CNTN4: variants seen among roughly 807,000 people sequenced by gnomAD.
CNTN4 encodes contactin-4.
Under a neutral mutation model 122.5 loss-of-function variants are expected in CNTN4, and 77 were observed. The ratio of observed to expected loss-of-function variants is 0.63; its 90% confidence interval spans 0.52 to 0.76. The LOEUF (loss-of-function observed/expected upper bound fraction) is 0.76, where lower values mean the gene tolerates loss of function less well. Ranked by LOEUF, CNTN4 falls within the 30% of genes least tolerant of loss-of-function variation. The probability of loss-of-function intolerance (pLI) is 0.00; values close to 1 mark genes in which losing one functional copy is unlikely to be tolerated. For synonymous variants in CNTN4, 512 were observed against 447.0 expected, an observed-to-expected ratio of 1.15 and a Z score of -1.83; for missense variants, 1,256 against 1,259.1, an observed-to-expected ratio of 1.00 and a Z score of 0.04.
At chr3:2,988,541 A>T in intron 14 of CNTN4, 69 bp downstream of exon 14, 1 of 1,511,408 alleles carries the variant, frequency 6.6e-7, no homozygotes, top group Non-Finnish European at 9.2e-7. Context: ...TAATCTACCG[A>T]AGTGGCATCA....
In CNTN4 at chr3:2,201,052, A is replaced by G. The variant is rs142704278; in HGVS notation, c.-145+100413A>G. Among the ~76,000 whole-genome samples, 4 of 152,306 alleles carry G rather than the reference A, an allele frequency of 2.6e-5. No homozygotes were observed. The East Asian group carries it at 7.7e-4, about 29-fold the overall frequency. On this transcript the variant is annotated intron_variant, in intron 2 of 24. Transcript: ENST00000418658. ...CACCTTTTTTCCCTGAGAAATGCCA[A>G]GGGAACTAATTAAAGAAGCTGAAGG...
At chr3:2,750,701 T>C (rs2090047576) in intron 6 of CNTN4, among the ~76,000 whole-genome samples, 1 of 152,334 alleles carries the variant, frequency 6.6e-6, no homozygotes, top group Non-Finnish European at 1.5e-5. Context: ...ATACCCTTTC[T>C]ACCTTTTAGC....
intron 4 of CNTN4, among the ~76,000 whole-genome samples, chr3:2,730,828 G>T (rs1383134582): frequency 2.0e-5 from 3 of 151,912 alleles, no homozygotes; most frequent in Non-Finnish European, 4.4e-5. Context: ...AGATTCTCTT[G>T]CCCAGCCTCG....
chr3:2,643,142 T>C (rs1248555807), intron 4 of CNTN4, among the ~76,000 whole-genome samples: 1 of 152,180 alleles, frequency 6.6e-6, no homozygotes, highest in Non-Finnish European at 1.5e-5. Flanking sequence ...TCAAGTGATC[T>C]CATAGTGATT....
At position 3,031,223 on chromosome 3, in the gene CNTN4, T is replaced by C. The variant is rs922557481; in HGVS notation, c.1783+248T>C. Among the ~76,000 whole-genome samples, 7 of 152,228 alleles carry C rather than the reference T, an allele frequency of 4.6e-5. No homozygotes were observed. In the South Asian group the frequency reaches 1.2e-3, roughly 27 times the overall value. ...TAGAAGGATAATTGAGTAAATCGAG[T>C]ACCCGATTACGGCTGTTGGAGTTGA... On this transcript the variant is annotated intron_variant, in intron 16 of 24. Coordinates refer to ENST00000418658, the MANE Select transcript of CNTN4 (RefSeq NM_175607.3).
chr3:2,193,673 A>T (rs910968584), intron 2 of CNTN4, among the ~76,000 whole-genome samples: 1 of 152,216 alleles, frequency 6.6e-6, no homozygotes, highest in Non-Finnish European at 1.5e-5. Context: ...TCTGTCAGTA[A>T]TGCATCACAT....
At chr3:2,101,776 A>C (rs1026786528) in intron 2 of CNTN4, among the ~76,000 whole-genome samples, 1 of 152,238 alleles carries the variant, frequency 6.6e-6, no homozygotes, top group Non-Finnish European at 1.5e-5. Context: ...AACAAAAAAG[A>C]TGAATAAAGC....
At position 3,056,130 on chromosome 3, in the gene CNTN4, G is replaced by A. The variant is rs771733991; in HGVS notation, c.2991G>A (p.Ala997=). 92 of 1,613,798 alleles carry A rather than the reference G, an allele frequency of 5.7e-5. No individual in the cohort carries two copies. Among genetic ancestry groups the A allele is most frequent in the East Asian group, 3.3e-4 (15 of 44,890 alleles). ...GTTCTCTCTTTTCAGATGCCTACGC[G>A]AGAGGATCTGGGGCTTCCACTTCGA... ...IRIPKISNAY[A]RGSGASTSNA... The change falls in exon 25 of 25, where the codon GCG becomes GCA. Residue 997 remains alanine (A), a synonymous_variant. Transcript: ENST00000418658.
intron 13 of CNTN4, among the ~76,000 whole-genome samples, chr3:2,944,901 C>G (rs2094658634): frequency 6.6e-6 from 1 of 152,154 alleles, no homozygotes; most frequent in East Asian, 1.9e-4. Flanking sequence ...GGGATTTCAG[C>G]TAGTCCCACT....
intron 2 of CNTN4, among the ~76,000 whole-genome samples, chr3:2,135,391 C>G (rs1041068787): frequency 6.6e-6 from 1 of 152,182 alleles, no homozygotes; most frequent in East Asian, 1.9e-4. Context: ...AATTTAACAT[C>G]AGCTTTAAGA....
chr3:2,192,328 T>G (rs1575048760), intron 2 of CNTN4, among the ~76,000 whole-genome samples: 1 of 152,086 alleles, frequency 6.6e-6, no homozygotes, highest in Non-Finnish European at 1.5e-5. Context: ...ATGGTTGAAC[T>G]AGTTTACAGT....
intron 4 of CNTN4, among the ~76,000 whole-genome samples, chr3:2,674,348 T>G (rs530824514): frequency 6.6e-6 from 1 of 152,310 alleles, no homozygotes; most frequent in Non-Finnish European, 1.5e-5. Context: ...ATATATATAA[T>G]GTACAATGAT....
intron 2 of CNTN4, among the ~76,000 whole-genome samples, chr3:2,243,757 C>G (rs17011097): frequency 6.6e-6 from 1 of 151,814 alleles, no homozygotes; most frequent in Non-Finnish European, 1.5e-5. Flanking sequence ...CATGCATTAT[C>G]CTTGAAACCT....
chr3:2,986,882 C>T (rs1000859986), intron 13 of CNTN4, among the ~76,000 whole-genome samples: 3 of 152,208 alleles, frequency 2.0e-5, no homozygotes, highest in Non-Finnish European at 4.4e-5. Flanking sequence ...GACACCATCC[C>T]TTCCCTCAGA....
chr3:2,186,222 T>G (rs555549560), intron 2 of CNTN4, among the ~76,000 whole-genome samples: 1 of 152,258 alleles, frequency 6.6e-6, no homozygotes, highest in Non-Finnish European at 1.5e-5. Flanking sequence ...AGAATGATGG[T>G]TTCCAGCTTC....
chr3:2,464,848 C>T (rs1423203661), intron 3 of CNTN4, among the ~76,000 whole-genome samples: 1 of 152,208 alleles, frequency 6.6e-6, no homozygotes, highest in Non-Finnish European at 1.5e-5. Flanking sequence ...TATTGAATCT[C>T]CTTCCCTGGC....
At chr3:2,618,619 A>T (rs746802933) in intron 4 of CNTN4, among the ~76,000 whole-genome samples, 18 of 152,180 alleles carry the variant, frequency 1.2e-4, no homozygotes, top group Non-Finnish European at 2.9e-5. Flanking sequence ...AGGTGCCCCA[A>T]ATAGTAGCAC....
At chr3:2,687,147 G>C (rs1327174825) in intron 4 of CNTN4, among the ~76,000 whole-genome samples, 1 of 84,070 alleles carries the variant, frequency 1.2e-5, no homozygotes, top group Non-Finnish European at 2.6e-5. Flanking sequence ...AATATCAAGA[G>C]ATCTAACAGA....
intron 3 of CNTN4, among the ~76,000 whole-genome samples, chr3:2,344,775 G>T (rs2044339671): frequency 6.6e-6 from 1 of 152,162 alleles, no homozygotes; most frequent in African/African-American, 2.4e-5. Context: ...TGTGGTTCCA[G>T]TTAGGAAATA....
Sources: gnomAD v4.1 joint callset for allele counts (sites outside exome capture counted in the v4.1 genomes callset) on GRCh38, gnomAD v4.1.1 for gene constraint, MANE v1.5 for transcripts, NCBI Gene and HGNC (gene_info 2026-07-23, HGNC 2026-07-21) for gene names.